Variants in CLEC2D observed in about 807,000 individuals in gnomAD.
CLEC2D encodes C-type lectin related f.
CLEC2D carries 16 observed loss-of-function variants against 20.0 expected under a neutral mutation model. The ratio of observed to expected loss-of-function variants is 0.80; its 90% CI spans 0.54 to 1.22. CLEC2D has a LOEUF of 1.22. CLEC2D is among the 50% of genes most tolerant of loss of function. The probability of loss-of-function intolerance (pLI) is 0.00; values close to 1 mark genes in which losing one functional copy is unlikely to be tolerated. For synonymous variants in CLEC2D, 77 were observed against 71.1 expected (o/e 1.08, Z -0.42); for missense variants, 207 against 221.5 (o/e 0.93, Z 0.42).
intron 2 of CLEC2D, among the ~76,000 whole-genome samples, chr12:9,681,613 A>AT (rs138612994): frequency 0.5 from 75,765 of 151,940 alleles, 19,116 homozygotes; most frequent in Middle Eastern, 0.57. Context: ...TGCATCTAAT[A>AT]TAGACCAAGC....
intron 1 of CLEC2D, among the ~76,000 whole-genome samples, chr12:9,670,450 A>C (rs1358211190): frequency 6.6e-6 from 1 of 152,200 alleles, no homozygotes; most frequent in Non-Finnish European, 1.5e-5. Context: ...AGGCAGAAAA[A>C]GATGAACTCT....
intron 1 of CLEC2D, among the ~76,000 whole-genome samples, chr12:9,675,947 G>T (rs1288895982): frequency 6.6e-6 from 1 of 151,934 alleles, no homozygotes; most frequent in Non-Finnish European, 1.5e-5. Context: ...TTTATTTCTG[G>T]CATATAGAAA....
At chr12:9,682,831 G>T (rs1321230837) in intron 2 of CLEC2D, among the ~76,000 whole-genome samples, 3 of 152,142 alleles carry the variant, frequency 2.0e-5, no homozygotes, top group Non-Finnish European at 4.4e-5. Context: ...ATAAACATAC[G>T]AGTGCATGTG....
intron 1 of CLEC2D, chr12:9,674,090 G>T (rs1001880688): frequency 6.6e-6 from 1 of 152,412 alleles, no homozygotes; most frequent in Admixed American, 6.5e-5. Flanking sequence ...CTTTCCATGG[G>T]ACTGGATGGT....
intron 2 of CLEC2D, among the ~76,000 whole-genome samples, chr12:9,684,926 A>G (rs11052412): frequency 0.023 from 3,522 of 151,888 alleles, 150 homozygotes; most frequent in African/African-American, 0.081. Context: ...TTCTTTTTCT[A>G]TTGTTTGGAA....
rs781283333 is a variant in CLEC2D, at chr12:9,678,080, A to G, written c.62-2843A>G. Among the ~76,000 whole-genome samples, 15 of 152,264 alleles carry G rather than the reference A, an allele frequency of 9.9e-5. No homozygotes were observed. In the East Asian group the frequency reaches 2.9e-3, roughly 29 times the overall value. Reference sequence around the variant, plus strand: ...AATCTCCAACTATGATAATGAATTCATCGATTTCTCCTTGCAGTTCTGTTA... The same window carrying G: ...AATCTCCAACTATGATAATGAATTCGTCGATTTCTCCTTGCAGTTCTGTTA... On this transcript the variant is annotated intron_variant, in intron 1 of 4. Transcript: ENST00000290855.
intron 3 of CLEC2D, among the ~76,000 whole-genome samples, chr12:9,690,867 A>G (rs764322923): frequency 6.6e-6 from 1 of 152,214 alleles, no homozygotes; most frequent in African/African-American, 2.4e-5. Flanking sequence ...TATAGAGAAA[A>G]CAAATGATTA....
At chr12:9,672,210 T>C (rs1865438568) in intron 1 of CLEC2D, among the ~76,000 whole-genome samples, 1 of 152,176 alleles carries the variant, frequency 6.6e-6, no homozygotes. Context: ...AACTTGCTTT[T>C]ATAACAAATC....
At chr12:9,693,025 C>T (rs200535095) in intron 4 of CLEC2D, 94 bp downstream of exon 4, 204 of 1,611,900 alleles carry the variant, frequency 1.3e-4, no homozygotes, top group Admixed American at 3.3e-4. Flanking sequence ...AAAAAATTCT[C>T]ATTTTAAGGT....
At chr12:9,691,019 A>G (rs1006155936) in intron 3 of CLEC2D, among the ~76,000 whole-genome samples, 6 of 152,126 alleles carry the variant, frequency 3.9e-5, no homozygotes, top group East Asian at 3.8e-4. Context: ...CATGCTGTCT[A>G]TAAGAGACTT....
intron 3 of CLEC2D, among the ~76,000 whole-genome samples, chr12:9,689,314 A>G (rs1436411039): frequency 6.6e-6 from 1 of 152,200 alleles, no homozygotes; most frequent in Non-Finnish European, 1.5e-5. Context: ...ATAGTTGGGA[A>G]AAAATCATGA....
chr12:9,679,731 A>G (rs975320657), intron 1 of CLEC2D, among the ~76,000 whole-genome samples: 1 of 152,210 alleles, frequency 6.6e-6, no homozygotes, highest in Non-Finnish European at 1.5e-5. Flanking sequence ...GGGAAACATC[A>G]ATGTAAAGCT....
intron 2 of CLEC2D, among the ~76,000 whole-genome samples, chr12:9,686,725 G>T (rs2120950371): frequency 6.6e-6 from 1 of 152,244 alleles, no homozygotes; most frequent in East Asian, 1.9e-4. Context: ...ACAACTATCT[G>T]GAGAGACATT....
At chr12:9,680,580 T>G (rs980223157) in intron 1 of CLEC2D, among the ~76,000 whole-genome samples, 7 of 152,214 alleles carry the variant, frequency 4.6e-5, no homozygotes, top group African/African-American at 1.7e-4. Flanking sequence ...CATTTAAAAA[T>G]ATTTCTTTAC....
Position 9,699,323 on chromosome 12 carries a change from TTTAA to T in CLEC2D, c.*4453_*4456del, listed in dbSNP as rs1280625867. The T allele has an allele frequency of 6.6e-6, 1 of 152,196 alleles. No individual in the cohort carries two copies. The highest frequency in any genetic ancestry group is 1.9e-4 in the East Asian group (1 of 5,196). The allele number at this position is 152,196 out of a possible 1,614,324, so 9.4% of individuals were successfully genotyped here. On this transcript the variant is annotated 3_prime_UTR_variant, in exon 5 of 5. Coordinates refer to ENST00000290855, the MANE Select transcript of CLEC2D (RefSeq NM_013269.6). ...CAAGTTATCAGCATATTTTTTAACT[TTTAA>T]TTATTCTTAATGGAAAGACACTTCT...
chr12:9,698,214 TATC>T lies in CLEC2D; in HGVS notation c.*3343_*3345del, dbSNP rs983552308. 5 of 152,184 alleles carry T rather than the reference TATC, an allele frequency of 3.3e-5. No homozygotes were observed. The highest frequency in any genetic ancestry group is 2.1e-4 in the South Asian group (1 of 4,830). The allele number at this position is 152,184 out of a possible 1,614,324, so 9.4% of individuals were successfully genotyped here. On this transcript the variant is annotated 3_prime_UTR_variant, in exon 5 of 5. Coordinates refer to ENST00000290855, the MANE Select transcript of CLEC2D (RefSeq NM_013269.6). ...CTAACATTTCATCATCTCACATACTTATCATTTTCTGTGGTGAGAACATTTGAA... is the reference window on the plus strand; with the variant it reads ...CTAACATTTCATCATCTCACATACTTATTTTCTGTGGTGAGAACATTTGAA...
At position 9,697,020 on chromosome 12, in the gene CLEC2D, A is replaced by G. The variant is rs1174624088; in HGVS notation, c.*2146A>G. ...ATTGTCATATATATAAAACACACAC[A>G]TTATATACATACATACATATATATA... On this transcript the variant is annotated 3_prime_UTR_variant, in exon 5 of 5. Transcript: ENST00000290855. The G allele has an allele frequency of 8.3e-6, 1 of 120,960 alleles. No individual in the cohort carries two copies. Among genetic ancestry groups the G allele is most frequent in the Non-Finnish European group, 1.7e-5 (1 of 60,034 alleles). The allele number at this position is 120,960 out of a possible 1,614,324, so 7.5% of individuals were successfully genotyped here. A position where few individuals can be genotyped will look rare whatever the true frequency, so the allele number is the denominator to read the frequency against.
intron 2 of CLEC2D, among the ~76,000 whole-genome samples, chr12:9,686,908 T>C (rs1367999730): frequency 2.0e-5 from 3 of 152,280 alleles, no homozygotes; most frequent in Non-Finnish European, 4.4e-5. Flanking sequence ...TATGATAGTA[T>C]TTAGACATAT....
At chr12:9,678,874 T>C (rs929488232) in intron 1 of CLEC2D, among the ~76,000 whole-genome samples, 1 of 152,338 alleles carries the variant, frequency 6.6e-6, no homozygotes, top group Non-Finnish European at 1.5e-5. Context: ...TTTTTAGTTT[T>C]TAACTTAGCA....
Sources: gnomAD v4.1 joint callset for allele counts (sites outside exome capture counted in the v4.1 genomes callset) on GRCh38, gnomAD v4.1.1 for gene constraint, MANE v1.5 for transcripts, NCBI Gene and HGNC (gene_info 2026-07-23, HGNC 2026-07-21) for gene names.